The following PPP1R7 variants were observed in gnomAD, a reference collection of about 807,000 sequenced individuals.
PPP1R7 encodes protein phosphatase 1 regulatory subunit 22.
In PPP1R7, 18 loss-of-function variants were observed where a neutral mutation model predicts 45.2. The ratio of observed to expected loss-of-function variants is 0.40; its 90% confidence interval spans 0.28 to 0.59. PPP1R7 has a LOEUF of 0.59. PPP1R7 is among the 20% of genes least tolerant of loss of function. The probability of loss-of-function intolerance (pLI) is 0.46; values close to 1 mark genes in which losing one functional copy is unlikely to be tolerated. For missense variants in PPP1R7, 314 were observed against 455.8 expected (o/e 0.69, Z 2.83); for synonymous variants, 181 against 183.4 (o/e 0.99, Z 0.11).
In PPP1R7 at chr2:241,153,664, C is replaced by T. The variant is rs182224298; in HGVS notation, c.181+60C>T. ...GTTGGGGGATGTGGGCTGTGCTGCA[C>T]GTGGTCTGGCCCTGGGTGTGGGTGC... On this transcript the variant is annotated intron_variant, in intron 2 of 9. Transcript: ENST00000234038. 458 of 1,588,176 alleles carry T rather than the reference C, an allele frequency of 2.9e-4. 3 individuals carry two copies. Among genetic ancestry groups the T allele is most frequent in the Middle Eastern group, 7.4e-4 (4 of 5,376 alleles).
chr2:241,173,160 T>C (rs59075484), intron 9 of PPP1R7, among the ~76,000 whole-genome samples: 53,992 of 149,908 alleles, frequency 0.36, 9,866 homozygotes, highest in Middle Eastern at 0.48. Context: ...TAGTCCCAGC[T>C]ACTGGGGAGG....
At chr2:241,150,301 C>T (rs1045095717), upstream of PPP1R7, 7 of 1,321,758 alleles carry the variant, frequency 5.3e-6, no homozygotes, top group Middle Eastern at 1.2e-3. Flanking sequence ...CCTGAAATTA[C>T]CTGCTCTGGG....
In PPP1R7 at chr2:241,183,396, C is replaced by T. The variant is rs1195817717; in HGVS notation, c.*573C>T. The T allele has an allele frequency of 6.4e-6, 3 of 471,058 alleles. No homozygotes were observed. The highest frequency in any genetic ancestry group is 1.5e-5 in the South Asian group (1 of 64,572). The allele number at this position is 471,058 out of a possible 1,614,324, so 29.2% of individuals were successfully genotyped here. On this transcript the variant is annotated 3_prime_UTR_variant, in exon 10 of 10. Transcript: ENST00000234038. ...TTCCTTAGAGCTCTCCTTCAAAGAGCGCCGGGCAGGGCTGACTGTTTTCAC... is the reference window on the plus strand; with the variant it reads ...TTCCTTAGAGCTCTCCTTCAAAGAGTGCCGGGCAGGGCTGACTGTTTTCAC...
At chr2:241,166,242 A>ACT in intron 7 of PPP1R7, 95 bp from the exon 8 acceptor site, 1 of 1,042,716 alleles carries the variant, frequency 9.6e-7, no homozygotes, top group East Asian at 2.6e-5. Context: ...TGTTCTTAGA[A>ACT]TTCTTCAAGA....
At chr2:241,152,812 A>G (rs1575379032) in intron 1 of PPP1R7, among the ~76,000 whole-genome samples, 1 of 152,252 alleles carries the variant, frequency 6.6e-6, no homozygotes, top group East Asian at 1.9e-4. Context: ...TACCTGACAC[A>G]TTGAATTGCC....
intron 9 of PPP1R7, among the ~76,000 whole-genome samples, chr2:241,180,388 T>A (rs1353483438): frequency 5.7e-4 from 57 of 99,938 alleles, no homozygotes; most frequent in African/African-American, 7.4e-4. Flanking sequence ...GCTGGTGAGC[T>A]AAAAAAAAAA....
At chr2:241,178,538 G>T (rs112203920) in intron 9 of PPP1R7, among the ~76,000 whole-genome samples, 2 of 130,122 alleles carry the variant, frequency 1.5e-5, no homozygotes, top group African/African-American at 2.9e-5. Flanking sequence ...CTCACTGCAA[G>T]CTCCACCTCC....
At chr2:241,155,451 A>C (rs2067433179) in intron 2 of PPP1R7, among the ~76,000 whole-genome samples, 1 of 152,242 alleles carries the variant, frequency 6.6e-6, no homozygotes, top group Non-Finnish European at 1.5e-5. Flanking sequence ...TAGAGGAGCC[A>C]AGACTTGCTC....
chr2:241,166,308 C>T (rs2067708181), intron 7 of PPP1R7, 29 bp from the exon 8 acceptor site: 1 of 1,582,490 alleles, frequency 6.3e-7, no homozygotes, highest in East Asian at 2.2e-5. Flanking sequence ...CTGTACTGTT[C>T]TGACAGCTGT....
In PPP1R7 at chr2:241,158,427, G is replaced by A. The variant is rs752552719; in HGVS notation, c.238-57G>A. ...ACTTCCAGGCCGCCTCTTCTAGGACGACACAGGTCTCCAGCCACTTTGCTA... is the reference window on the plus strand; with the variant it reads ...ACTTCCAGGCCGCCTCTTCTAGGACAACACAGGTCTCCAGCCACTTTGCTA... On this transcript the variant is annotated intron_variant, in intron 3 of 9. Transcript: ENST00000234038. 6.4e-5 allele frequency: 101 copies of A among 1,572,290 alleles called. 1 individual carries two copies. Among genetic ancestry groups the A allele is most frequent in the Admixed American group, 4.7e-4 (28 of 59,906 alleles).
At chr2:241,155,519 G>T (rs1190650140) in intron 2 of PPP1R7, among the ~76,000 whole-genome samples, 2 of 152,200 alleles carry the variant, frequency 1.3e-5, no homozygotes, top group East Asian at 3.8e-4. Flanking sequence ...CATGTCAACT[G>T]TTACCTTCTA....
intron 7 of PPP1R7, 85 bp from the exon 8 acceptor site, chr2:241,166,252 A>G: frequency 5.3e-6 from 6 of 1,140,956 alleles, no homozygotes; most frequent in South Asian, 2.7e-5. Context: ...ATTCTTCAAG[A>G]TAACACAAAA....
chr2:241,176,588 G>A (rs1432384653), intron 9 of PPP1R7, among the ~76,000 whole-genome samples: 1 of 151,912 alleles, frequency 6.6e-6, no homozygotes, highest in Non-Finnish European at 1.5e-5. Context: ...CTCCCAAGTA[G>A]TTGGGATTAC....
chr2:241,162,136 G>A (rs182622779), intron 6 of PPP1R7, among the ~76,000 whole-genome samples: 10 of 152,312 alleles, frequency 6.6e-5, no homozygotes, highest in Admixed American at 4.6e-4. Flanking sequence ...GAGCAGCCCA[G>A]ATGTCCGCAT....
intron 1 of PPP1R7, 121 bp downstream of exon 1, chr2:241,150,668 CCT>C (rs1268812927): frequency 7.7e-7 from 1 of 1,304,518 alleles, no homozygotes; most frequent in Non-Finnish European, 9.9e-7. Context: ...CGCGCGGCCC[CCT>C]GACAGCTGAC....
upstream of PPP1R7, chr2:241,150,084 G>C (rs2067214285): frequency 7.9e-7 from 1 of 1,270,950 alleles, no homozygotes; most frequent in Admixed American, 4.0e-5. Flanking sequence ...GCACCTTGCA[G>C]CCACGGAAAG....
rs2068027507 is a variant in PPP1R7, at chr2:241,182,804, C to G, written c.1064C>G (p.Ala355Gly). ...CTCCCCTCCGTGCGGCAGATCGATG[C>G]CACGTTCGTCAGGTTCTGAGTCCTT... ...LALPSVRQIDATFVRF is the reference protein window; with the variant it reads ...LALPSVRQIDGTFVRF Residue 355 changes from alanine to glycine, a missense_variant, in exon 10 of 10, where the codon GCC becomes GGC. Physicochemically the swap from Ala to Gly is moderately conservative, Grantham distance 60. This residue lies in a region of PPP1R7 where 168 missense variants were observed against 285.3 expected (regional missense o/e 0.59). Transcript: ENST00000234038. The G allele has an allele frequency of 1.9e-6, 3 of 1,613,114 alleles. No individual in the cohort carries two copies. The East Asian group carries it at 6.7e-5, about 36-fold the overall frequency.
chr2:241,160,252 A>C, intron 5 of PPP1R7, 80 bp from the exon 6 acceptor site: 9 of 1,060,202 alleles, frequency 8.5e-6, no homozygotes, highest in Admixed American at 3.0e-5. Flanking sequence ...TGGGGACGCC[A>C]CCTTTAGTGG....
chr2:241,181,804 G>A (rs2068011360), intron 9 of PPP1R7, among the ~76,000 whole-genome samples: 1 of 152,200 alleles, frequency 6.6e-6, no homozygotes, highest in South Asian at 2.1e-4. Flanking sequence ...TGCCTCTTCA[G>A]GAGCAGTGCC....
Sources: gnomAD v4.1 joint callset for allele counts (sites outside exome capture counted in the v4.1 genomes callset) on GRCh38, gnomAD v4.1.1 for gene constraint, gnomAD v4.1.1 regional missense constraint, MANE v1.5 for transcripts, NCBI Gene and HGNC (gene_info 2026-07-23, HGNC 2026-07-21) for gene names.